Variants in UBE3B observed in about 807,000 individuals in gnomAD.
UBE3B encodes ubiquitin protein ligase E3B.
In UBE3B, 80 loss-of-function variants were observed where a neutral mutation model predicts 132.3. That is an observed-to-expected ratio of 0.60 (90% CI 0.50 to 0.73). The LOEUF (loss-of-function observed/expected upper bound fraction) is 0.73, where lower values mean the gene tolerates loss of function less well. Among genes scored for constraint, UBE3B ranks in the 30% least tolerant of loss-of-function variants. The pLI is 0.00. For synonymous variants in UBE3B, 487 were observed against 520.4 expected (o/e 0.94, Z 0.87); for missense variants, 1,196 against 1,362.5 (o/e 0.88, Z 1.92).
chr12:109,519,182 A>G (rs1285381368), intron 19 of UBE3B, among the ~76,000 whole-genome samples: 3 of 152,216 alleles, frequency 2.0e-5, no homozygotes, highest in African/African-American at 7.2e-5. Flanking sequence ...AACTGAGGCC[A>G]GAGAACTTCA....
chr12:109,539,053 C>T (rs962597533), downstream of UBE3B, among the ~76,000 whole-genome samples: 3 of 152,124 alleles, frequency 2.0e-5, no homozygotes, highest in Non-Finnish European at 4.4e-5. Flanking sequence ...CTGGCCAATA[C>T]GGTGAAACCC....
rs755365552 is a variant in UBE3B, at chr12:109,483,923, G to T, written c.224G>T (p.Cys75Phe). Residue 75 changes from cysteine (C) to phenylalanine (F), a missense_variant, in exon 4 of 28, where the codon TGT becomes TTT. Coordinates refer to ENST00000342494, the MANE Select transcript of UBE3B (RefSeq NM_130466.4). ...GAGTCCACTAAAAGAAGTGCACTTT[G>T]TATTTTCAAGATTGCCAGGAAACTG... The part of the protein sequence containing the change: ...DPESTKRSAL[C>F]IFKIARKLLF... 7 of 1,614,040 alleles carry T rather than the reference G, an allele frequency of 4.3e-6. No individual in the cohort carries two copies. The East Asian group carries it at 1.3e-4, about 31-fold the overall frequency.
chr12:109,539,676 A>G (rs1883568684), downstream of UBE3B, among the ~76,000 whole-genome samples: 1 of 152,172 alleles, frequency 6.6e-6, no homozygotes, highest in Admixed American at 6.5e-5. Flanking sequence ...ATTTTGTTCC[A>G]GGGATCGAAT....
At chr12:109,481,144 T>A (rs1474117299) in intron 1 of UBE3B, among the ~76,000 whole-genome samples, 2 of 150,506 alleles carry the variant, frequency 1.3e-5, no homozygotes, top group Non-Finnish European at 3.0e-5. Context: ...CCGGGCACAG[T>A]GGCTCACACC....
chr12:109,544,710 CT>C, the UBE3B span, among the ~76,000 whole-genome samples: 1 of 152,150 alleles, frequency 6.6e-6, no homozygotes, highest in African/African-American at 2.4e-5. Context: ...GGGTAAGCTA[CT>C]GGTAATTACT....
chr12:109,502,093 G>T lies in UBE3B; in HGVS notation c.1282+559G>T, dbSNP rs543029536. On this transcript the variant is annotated intron_variant, in intron 13 of 27. Transcript: ENST00000342494. Reference sequence around the variant, plus strand: ...AATAGGTGAACACAATCAAGATTGGGTCATAAAAGCATGTCCACACACATA... The same window carrying T: ...AATAGGTGAACACAATCAAGATTGGTTCATAAAAGCATGTCCACACACATA... Among the ~76,000 whole-genome samples the T allele has an allele frequency of 6.6e-5, 10 of 152,286 alleles. No homozygotes were observed. In the South Asian group the frequency reaches 2.1e-3, roughly 32 times the overall value.
chr12:109,496,324 T>C (rs73196272), intron 9 of UBE3B, among the ~76,000 whole-genome samples: 8,353 of 152,334 alleles, frequency 0.055, 318 homozygotes, highest in Non-Finnish European at 0.083. Flanking sequence ...TTGGCTATTA[T>C]AAATAGTGCT....
rs1881028917 is a variant in UBE3B, at chr12:109,516,193, A to G, written c.1957-572A>G. Among the ~76,000 whole-genome samples the G allele has an allele frequency of 3.6e-5, 4 of 110,126 alleles. No individual in the cohort carries two copies. The Admixed American group carries it at 5.0e-4, about 14-fold the overall frequency. 72.2% of individuals were successfully genotyped at this position (110,126 alleles called of 152,430 possible). A position where few individuals can be genotyped will look rare whatever the true frequency, so the allele number is the denominator to read the frequency against. On this transcript the variant is annotated intron_variant, in intron 18 of 27. Transcript: ENST00000342494. ...TTTTTTTTTTTTTTTTTTTTTTGAG[A>G]CAGAGTCTCACTCTGTCCCCCAGGC...
chr12:109,488,689 A>C (rs1876920937), intron 7 of UBE3B, 21 bp downstream of exon 7: 1 of 1,605,954 alleles, frequency 6.2e-7, no homozygotes, highest in African/African-American at 1.3e-5. Context: ...CTTGCTTCAA[A>C]ATGTTCTCTA....
intron 19 of UBE3B, among the ~76,000 whole-genome samples, chr12:109,519,066 C>T (rs1881393614): frequency 6.6e-6 from 1 of 152,200 alleles, no homozygotes. Flanking sequence ...TAGGAAGGCT[C>T]TTCTTCCCAG....
chr12:109,527,852 G>A (rs76575777), intron 24 of UBE3B, among the ~76,000 whole-genome samples: 4,288 of 152,276 alleles, frequency 0.028, 203 homozygotes, highest in African/African-American at 0.094. Context: ...AGGCTCAGAG[G>A]AGGGCTTAAA....
Position 109,499,661 on chromosome 12 carries a change from C to T in UBE3B, c.969C>T (p.Ser323=), listed in dbSNP as rs745305989. ...ACCTCCTACACTTGGGCTCCCTCAGCCCCAGAGTGTTAGAGGAGGAGACAG... is the reference window on the plus strand; with the variant it reads ...ACCTCCTACACTTGGGCTCCCTCAGTCCCAGAGTGTTAGAGGAGGAGACAG... ...MGNLLHLGSL[S]PRVLEEETDG... is the part of the protein sequence containing the mutation. Residue 323 remains serine, a synonymous_variant, in exon 12 of 28, where the codon AGC becomes AGT. Coordinates refer to ENST00000342494, the MANE Select transcript of UBE3B (RefSeq NM_130466.4). 6.2e-7 allele frequency: 1 copy of T among 1,608,632 alleles called. No homozygotes were observed. Among genetic ancestry groups the T allele is most frequent in the Non-Finnish European group, 8.5e-7 (1 of 1,177,120 alleles).
Position 109,509,627 on chromosome 12 carries a change from C to G in UBE3B, c.1654C>G (p.Gln552Glu). Reference protein sequence around the residue: ...ILDDIEVYEEQISFKLEELVT... With the variant: ...ILDDIEVYEEEISFKLEELVT... ...TGATGACATTGAAGTTTATGAAGAACAGATTTCATTCAAACTGGAAGAGCT... is the reference window on the plus strand; with the variant it reads ...TGATGACATTGAAGTTTATGAAGAAGAGATTTCATTCAAACTGGAAGAGCT... Residue 552 changes from glutamine (Q) to glutamate (E), a missense_variant, in exon 16 of 28, where the codon CAG (glutamine) becomes GAG (glutamate). Transcript: ENST00000342494. The G allele has an allele frequency of 5.6e-6, 9 of 1,608,978 alleles. No individual in the cohort carries two copies. Among genetic ancestry groups the G allele is most frequent in the Non-Finnish European group, 7.6e-6 (9 of 1,178,690 alleles).
chr12:109,518,802 T>C (rs1001274038), intron 19 of UBE3B, among the ~76,000 whole-genome samples: 1 of 152,380 alleles, frequency 6.6e-6, no homozygotes. Context: ...TGTCTTAGGC[T>C]TTAGGCAAAG....
At chr12:109,499,194 G>C (rs1028733383) in intron 11 of UBE3B, among the ~76,000 whole-genome samples, 1 of 152,084 alleles carries the variant, frequency 6.6e-6, no homozygotes, top group African/African-American at 2.4e-5. Flanking sequence ...GAATAACAGC[G>C]ACTTCCCACG....
At chr12:109,523,076 C>T (rs1038925081) in intron 21 of UBE3B, among the ~76,000 whole-genome samples, 5 of 152,126 alleles carry the variant, frequency 3.3e-5, no homozygotes, top group Admixed American at 6.5e-5. Flanking sequence ...ATTGTGCTGA[C>T]GAGAGAAGAT....
chr12:109,509,354 G>A (rs1880069063), intron 15 of UBE3B: 1 of 304,594 alleles, frequency 3.3e-6, no homozygotes, highest in African/African-American at 2.2e-5. Context: ...TGCTGCACCT[G>A]TCACCCCGTC....
At chr12:109,486,414 C>G (rs187787449) in intron 5 of UBE3B, 57 bp from the exon 6 acceptor site, 1 of 1,387,622 alleles carries the variant, frequency 7.2e-7, no homozygotes, top group East Asian at 2.3e-5. Context: ...ACAGTTAGAG[C>G]ACAAGTGATA....
intron 14 of UBE3B, 143 bp downstream of exon 14, chr12:109,503,333 A>AT: frequency 9.3e-7 from 1 of 1,074,732 alleles, no homozygotes. Context: ...CCTCTTAGAG[A>AT]TTAGTCCACC....
Sources: allele counts gnomAD v4.1 joint callset (sites outside exome capture counted in the v4.1 genomes callset), GRCh38; gene constraint gnomAD v4.1.1; transcripts MANE v1.5; gene names NCBI Gene and HGNC (gene_info 2026-07-23, HGNC 2026-07-21).